The following ELL2 variants were observed in gnomAD, a reference collection of about 807,000 sequenced individuals.
ELL2 encodes RNA polymerase II elongation factor ELL2.
In ELL2, 21 loss-of-function variants were observed where a neutral mutation model predicts 72.8. The observed-to-expected ratio is 0.29, with a 90% CI of 0.20 to 0.42. ELL2 has a LOEUF of 0.42. ELL2 is among the 10% of genes least tolerant of loss of function. ELL2 has a pLI of 1.00. For synonymous variants in ELL2, 266 were observed against 283.2 expected (o/e 0.94, Z 0.61); for missense variants, 568 against 772.8 (o/e 0.73, Z 3.14).
chr5:95,935,244 T>A (rs1468668573), intron 2 of ELL2, among the ~76,000 whole-genome samples: 1 of 152,222 alleles, frequency 6.6e-6, no homozygotes, highest in Non-Finnish European at 1.5e-5. Flanking sequence ...TATGTATTCT[T>A]CTGCCTGCTT....
At chr5:95,930,749 G>A (rs958264884) in intron 2 of ELL2, among the ~76,000 whole-genome samples, 1 of 152,166 alleles carries the variant, frequency 6.6e-6, no homozygotes, top group African/African-American at 2.4e-5. Flanking sequence ...AGTCCTCCCT[G>A]GGGACCAAAG....
chr5:95,911,930 A>C (rs17085266), intron 4 of ELL2, among the ~76,000 whole-genome samples: 56,849 of 152,030 alleles, frequency 0.37, 11,978 homozygotes, highest in African/African-American at 0.58. Flanking sequence ...GCCGAGATCG[A>C]TGCAAGCCTC....
chr5:95,953,601 T>C (rs548384465), intron 1 of ELL2, among the ~76,000 whole-genome samples: 26 of 152,342 alleles, frequency 1.7e-4, no homozygotes, highest in African/African-American at 6.3e-4. Context: ...CTAGGTTATC[T>C]CCCTGGATCA....
chr5:95,922,836 C>CT (rs141217235), intron 2 of ELL2, among the ~76,000 whole-genome samples: 6,211 of 152,172 alleles, frequency 0.041, 217 homozygotes, highest in African/African-American at 0.083. Flanking sequence ...ATAATCCATG[C>CT]TATGTACTCA....
intron 4 of ELL2, among the ~76,000 whole-genome samples, chr5:95,907,446 C>T (rs905368567): frequency 6.6e-6 from 1 of 152,132 alleles, no homozygotes; most frequent in South Asian, 2.1e-4. Context: ...GAAAATGGTA[C>T]AAAGGAGGCC....
At chr5:95,896,949 C>T (rs1748899193) in intron 8 of ELL2, among the ~76,000 whole-genome samples, 1 of 152,268 alleles carries the variant, frequency 6.6e-6, no homozygotes, top group South Asian at 2.1e-4. Flanking sequence ...TACCCAGTGG[C>T]TTATGAACTC....
Position 95,950,947 on chromosome 5 carries a change from TATATATAA to T in ELL2, c.148-7906_148-7899del, listed in dbSNP as rs1302817461. On this transcript the variant is annotated intron_variant, in intron 1 of 11. Transcript: ENST00000237853. The stretch of plus-strand genomic sequence containing the variant: ...ATATATATATATATATATATATATA[TATATATAA>T]AATCTTCATATATATGGTTGTCTTA... Among the ~76,000 whole-genome samples, 140 of 102,910 alleles carry T rather than the reference TATATATAA, an allele frequency of 1.4e-3. 2 individuals are homozygous for T. The highest frequency in any genetic ancestry group is 4.5e-3 in the African/African-American group (113 of 24,994). The allele number at this position is 102,910 out of a possible 152,430, so 67.5% of individuals were successfully genotyped here. A position where few individuals can be genotyped will look rare whatever the true frequency, so the allele number is the denominator to read the frequency against.
At chr5:95,943,297 T>C (rs1451917103) in intron 1 of ELL2, among the ~76,000 whole-genome samples, 3 of 151,748 alleles carry the variant, frequency 2.0e-5, no homozygotes, top group African/African-American at 4.8e-5. Flanking sequence ...AAGAAATATA[T>C]GTATTTGGTC....
chr5:95,926,281 A>T (rs1750278706), intron 2 of ELL2, among the ~76,000 whole-genome samples: 1 of 152,168 alleles, frequency 6.6e-6, no homozygotes. Flanking sequence ...GAAAAAGTTA[A>T]GTATTAGAGA....
At chr5:95,944,049 G>C (rs971831194) in intron 1 of ELL2, among the ~76,000 whole-genome samples, 5 of 152,058 alleles carry the variant, frequency 3.3e-5, no homozygotes, top group African/African-American at 9.7e-5. Context: ...AGTGGTTTCT[G>C]GTCTCATCTC....
chr5:95,935,719 T>A (rs1300148165), intron 2 of ELL2, among the ~76,000 whole-genome samples: 1 of 152,164 alleles, frequency 6.6e-6, no homozygotes, highest in Non-Finnish European at 1.5e-5. Flanking sequence ...CACACCCATG[T>A]CTCCTGTCTC....
chr5:95,919,559 A>G lies in ELL2; in HGVS notation c.196-14T>C. On this transcript the variant is annotated splice_polypyrimidine_tract_variant and intron_variant, in intron 2 of 11. Coordinates refer to ENST00000237853, the MANE Select transcript of ELL2 (RefSeq NM_012081.6). Reference sequence around the variant, plus strand: ...AATTTTGACAAGCTAAAATGAGGGGAAAAGAGAGAAACGCCTCAAATTATA... The same window carrying G: ...AATTTTGACAAGCTAAAATGAGGGGGAAAGAGAGAAACGCCTCAAATTATA... 1.3e-6 allele frequency: 2 copies of G among 1,542,524 alleles called. No homozygotes were observed. The highest frequency in any genetic ancestry group is 1.7e-6 in the Non-Finnish European group (2 of 1,153,856).
intron 4 of ELL2, chr5:95,913,479 C>T (rs1749677458): frequency 4.6e-6 from 1 of 215,964 alleles, no homozygotes; most frequent in South Asian, 1.6e-4. Flanking sequence ...CACAACGGTA[C>T]CACGATTGCA....
At chr5:95,961,136 G>C (rs1751830676) in intron 1 of ELL2, among the ~76,000 whole-genome samples, 1 of 152,074 alleles carries the variant, frequency 6.6e-6, no homozygotes, top group African/African-American at 2.4e-5. Context: ...TATGTAACTG[G>C]AAAACGCGGG....
chr5:95,916,046 G>A (rs1374524484), intron 3 of ELL2, among the ~76,000 whole-genome samples: 1 of 151,784 alleles, frequency 6.6e-6, no homozygotes, highest in Non-Finnish European at 1.5e-5. Flanking sequence ...CACTTAGGAT[G>A]CTACTGAAGG....
At chr5:95,895,835 A>C in intron 8 of ELL2, 144 bp from the exon 9 acceptor site, 1 of 718,236 alleles carries the variant, frequency 1.4e-6, no homozygotes. Flanking sequence ...GTGAGCAAGG[A>C]ATACAATTGA....
intron 3 of ELL2, among the ~76,000 whole-genome samples, chr5:95,915,590 G>A (rs1317185081): frequency 6.6e-6 from 1 of 152,070 alleles, no homozygotes; most frequent in Admixed American, 6.5e-5. Flanking sequence ...ACTAATGGGT[G>A]ACAAGGATGG....
chr5:95,937,682 T>TA (rs1284080014), intron 2 of ELL2, among the ~76,000 whole-genome samples: 4 of 152,138 alleles, frequency 2.6e-5, no homozygotes, highest in Non-Finnish European at 5.9e-5. Context: ...ACTGTAATAT[T>TA]AAAAAAATTA....
chr5:95,943,736 T>C (rs1751056815), intron 1 of ELL2, among the ~76,000 whole-genome samples: 2 of 152,216 alleles, frequency 1.3e-5, no homozygotes, highest in Non-Finnish European at 2.9e-5. Context: ...TCTCACATGA[T>C]TCTCACCAGG....
Sources: allele counts gnomAD v4.1 joint callset (sites outside exome capture counted in the v4.1 genomes callset), GRCh38; gene constraint gnomAD v4.1.1; transcripts MANE v1.5; gene names NCBI Gene and HGNC (gene_info 2026-07-23, HGNC 2026-07-21).